POU6F2: variants seen among roughly 807,000 people sequenced by gnomAD.
The protein encoded by POU6F2 is POU domain, class 6, transcription factor 2.
In POU6F2, 31 loss-of-function variants were observed where a neutral mutation model predicts 71.3. The observed-to-expected ratio is 0.43, with a 90% CI of 0.33 to 0.59. The LOEUF is 0.59. Among genes scored for constraint, POU6F2 ranks in the 20% least tolerant of loss-of-function variants. POU6F2 has a pLI of 0.04. For missense variants in POU6F2, 783 were observed against 856.8 expected (o/e 0.91, Z 1.07); for synonymous variants, 347 against 355.7 (o/e 0.98, Z 0.27).
At chr7:39,349,436 C>T (rs1786097010) in intron 5 of POU6F2, among the ~76,000 whole-genome samples, 1 of 152,134 alleles carries the variant, frequency 6.6e-6, no homozygotes, top group Non-Finnish European at 1.5e-5. Flanking sequence ...CCCTGCAGAC[C>T]CACGGGACCG....
intron 2 of POU6F2, among the ~76,000 whole-genome samples, chr7:39,183,796 T>C (rs1793480593): frequency 6.6e-6 from 1 of 152,210 alleles, no homozygotes; most frequent in South Asian, 2.1e-4. Context: ...ATAGCTTCCA[T>C]TGACAAAGAG....
intron 4 of POU6F2, among the ~76,000 whole-genome samples, chr7:39,330,247 T>C (rs1785611743): frequency 6.6e-6 from 1 of 152,252 alleles, no homozygotes; most frequent in East Asian, 1.9e-4. Context: ...ACTTACAACA[T>C]CTCTCACTCT....
At chr7:39,118,916 C>T (rs1440973580) in intron 2 of POU6F2, among the ~76,000 whole-genome samples, 1 of 152,124 alleles carries the variant, frequency 6.6e-6, no homozygotes, top group Non-Finnish European at 1.5e-5. Flanking sequence ...TCAGTTTTCT[C>T]AATAATAACT....
At chr7:39,126,024 C>A (rs1201441359) in intron 2 of POU6F2, among the ~76,000 whole-genome samples, 5 of 152,232 alleles carry the variant, frequency 3.3e-5, no homozygotes, top group African/African-American at 1.2e-4. Flanking sequence ...GGATCCATTG[C>A]CACCGGGAGC....
intron 4 of POU6F2, among the ~76,000 whole-genome samples, chr7:39,279,291 G>A (rs1180767794): frequency 9.0e-6 from 1 of 111,648 alleles, no homozygotes; most frequent in Non-Finnish European, 2.2e-5. Flanking sequence ...GCCACCTGCC[G>A]ACCTTCCCAG....
At chr7:39,121,191 G>A (rs75291594) in intron 2 of POU6F2, among the ~76,000 whole-genome samples, 24 of 152,264 alleles carry the variant, frequency 1.6e-4, no homozygotes, top group African/African-American at 5.5e-4. Context: ...ATGAATCTTA[G>A]TTGCAACAGT....
At chr7:39,341,517 T>C (rs1426733438) in intron 5 of POU6F2, among the ~76,000 whole-genome samples, 8 of 152,214 alleles carry the variant, frequency 5.3e-5, no homozygotes, top group Admixed American at 5.2e-4. Context: ...GCAACCTTAA[T>C]GTTGGCAGCA....
At chr7:39,045,050 T>G (rs1790263616) in intron 1 of POU6F2, among the ~76,000 whole-genome samples, 1 of 151,966 alleles carries the variant, frequency 6.6e-6, no homozygotes. Context: ...TGTGGCCTTC[T>G]AGGTAGTGAC....
rs1162806699 is a variant in POU6F2, at chr7:39,468,260, C to G, written c.*3574C>G. 1 of 150,908 alleles carries G rather than the reference C, an allele frequency of 6.6e-6. No homozygotes were observed. Among genetic ancestry groups the G allele is most frequent in the East Asian group, 1.9e-4 (1 of 5,156 alleles). The allele number at this position is 150,908 out of a possible 1,614,324, so 9.3% of individuals were successfully genotyped here. A position where few individuals can be genotyped will look rare whatever the true frequency, so the allele number is the denominator to read the frequency against. On this transcript the variant is annotated 3_prime_UTR_variant, in exon 10 of 10. Coordinates refer to ENST00000518318, the MANE Select transcript of POU6F2 (RefSeq NM_001370959.1). ...CACCGGGGTCACTTATGAGGCACCA[C>G]AAAGAGATCTGCTTCTCCGTGCCCG...
intron 8 of POU6F2, among the ~76,000 whole-genome samples, chr7:39,452,704 T>TA (rs1244266800): frequency 6.6e-6 from 1 of 152,198 alleles, no homozygotes; most frequent in Non-Finnish European, 1.5e-5. Context: ...ATTACATACA[T>TA]ATATGTCTAT....
At chr7:39,096,007 G>C (rs1219059594) in intron 2 of POU6F2, among the ~76,000 whole-genome samples, 1 of 151,952 alleles carries the variant, frequency 6.6e-6, no homozygotes, top group East Asian at 1.9e-4. Context: ...ATTTTCTCTG[G>C]CTATTTTTAG....
chr7:39,276,821 A>G (rs1195724856), intron 4 of POU6F2, among the ~76,000 whole-genome samples: 1 of 150,376 alleles, frequency 6.6e-6, no homozygotes, highest in Non-Finnish European at 1.5e-5. Flanking sequence ...CAAACACCGC[A>G]TGTTCTCAGT....
At chr7:39,335,328 G>T (rs1785747666) in intron 4 of POU6F2, among the ~76,000 whole-genome samples, 1 of 152,138 alleles carries the variant, frequency 6.6e-6, no homozygotes, top group Admixed American at 6.5e-5. Flanking sequence ...TCATCAGCAG[G>T]CTTTAAACAA....
At chr7:39,111,916 C>G (rs773097380) in intron 2 of POU6F2, among the ~76,000 whole-genome samples, 1 of 151,738 alleles carries the variant, frequency 6.6e-6, no homozygotes. Flanking sequence ...CTTACCAAAC[C>G]CCAATGGGTG....
chr7:39,327,055 G>A (rs768002016), intron 4 of POU6F2, among the ~76,000 whole-genome samples: 15 of 152,238 alleles, frequency 9.9e-5, no homozygotes, highest in East Asian at 1.9e-4. Context: ...TGAGGTGGGC[G>A]TATCACGAGG....
At chr7:39,167,346 A>G (rs897560100) in intron 2 of POU6F2, among the ~76,000 whole-genome samples, 3 of 152,228 alleles carry the variant, frequency 2.0e-5, no homozygotes, top group Non-Finnish European at 4.4e-5. Context: ...CCTACATAGT[A>G]CTAGTATCCT....
intron 5 of POU6F2, among the ~76,000 whole-genome samples, chr7:39,344,651 T>C (rs1785991667): frequency 6.6e-6 from 1 of 151,096 alleles, no homozygotes; most frequent in Non-Finnish European, 1.5e-5. Flanking sequence ...CCAAACCCCC[T>C]CCCCCCCCAG....
At chr7:39,214,355 C>G (rs960936016) in intron 4 of POU6F2, among the ~76,000 whole-genome samples, 4 of 152,140 alleles carry the variant, frequency 2.6e-5, no homozygotes, top group Admixed American at 2.0e-4. Flanking sequence ...CCCAGCACTC[C>G]TGTCTCCCTT....
At chr7:39,291,800 G>A (rs911841678) in intron 4 of POU6F2, among the ~76,000 whole-genome samples, 2 of 152,068 alleles carry the variant, frequency 1.3e-5, no homozygotes, top group Non-Finnish European at 2.9e-5. Flanking sequence ...CTGGTGACAG[G>A]GAAAACAAAA....
Sources: gnomAD v4.1 joint callset for allele counts (sites outside exome capture counted in the v4.1 genomes callset) on GRCh38, gnomAD v4.1.1 for gene constraint, MANE v1.5 for transcripts, NCBI Gene and HGNC (gene_info 2026-07-23, HGNC 2026-07-21) for gene names.